The following EML6 variants were observed in gnomAD, a reference collection of about 807,000 sequenced individuals.
EML6 encodes the protein EMAP like 6.
A neutral mutation model predicts 240.1 loss-of-function variants in EML6; 154 were observed. The observed-to-expected ratio is 0.64, with a 90% CI of 0.56 to 0.73. The LOEUF is 0.73. Among genes scored for constraint, EML6 ranks in the 30% least tolerant of loss-of-function variants. EML6 has a pLI of 0.00. For missense variants in EML6, 2,964 were observed against 2,474.6 expected, an observed-to-expected ratio of 1.20 and a Z score of -4.20; for synonymous variants, 1,148 against 899.0, an observed-to-expected ratio of 1.28 and a Z score of -4.95.
chr2:54,962,784 G>A (rs1573225449), intron 36 of EML6, 73 bp downstream of exon 36: 1 of 1,280,106 alleles, frequency 7.8e-7, no homozygotes. Context: ...GCGAGGAGAG[G>A]CCCAGCCAGC....
chr2:54,907,100 G>A (rs1376555987), intron 24 of EML6, among the ~76,000 whole-genome samples: 1 of 152,166 alleles, frequency 6.6e-6, no homozygotes, highest in African/African-American at 2.4e-5. Flanking sequence ...GAAAGCTCCA[G>A]CATGGAATGC....
At chr2:54,921,525 T>C (rs1674252179) in intron 26 of EML6, among the ~76,000 whole-genome samples, 1 of 152,146 alleles carries the variant, frequency 6.6e-6, no homozygotes, top group South Asian at 2.1e-4. Flanking sequence ...GCAGATTCAA[T>C]GTAATCCTTA....
At chr2:54,917,358 G>GTTTTTTT (rs147785699) in intron 26 of EML6, among the ~76,000 whole-genome samples, 457 of 123,702 alleles carry the variant, frequency 3.7e-3, no homozygotes, top group East Asian at 8.2e-3. Flanking sequence ...TTTTTTTTTT[G>GTTTTTTT]TTTTTTTTTT....
intron 31 of EML6, among the ~76,000 whole-genome samples, chr2:54,953,506 C>A (rs1676083547): frequency 6.6e-6 from 1 of 152,132 alleles, no homozygotes; most frequent in Non-Finnish European, 1.5e-5. Flanking sequence ...CCTTTAAAAG[C>A]AAATTTCCTC....
chr2:54,748,221 T>C (rs776574373), intron 2 of EML6: 1 of 152,206 alleles, frequency 6.6e-6, no homozygotes, highest in Non-Finnish European at 1.5e-5. Flanking sequence ...AAAGAAAGAC[T>C]CAATAAAACT....
At chr2:54,931,320 T>C (rs1361630330) in intron 28 of EML6, among the ~76,000 whole-genome samples, 1 of 151,976 alleles carries the variant, frequency 6.6e-6, no homozygotes, top group Non-Finnish European at 1.5e-5. Context: ...ATTTGGGGAA[T>C]TTGAGAGAAA....
intron 7 of EML6, among the ~76,000 whole-genome samples, chr2:54,830,964 G>A (rs1353082314): frequency 6.6e-6 from 1 of 152,202 alleles, no homozygotes; most frequent in Non-Finnish European, 1.5e-5. Context: ...GTAGGGACAA[G>A]GAGATCGAAG....
intron 4 of EML6, among the ~76,000 whole-genome samples, chr2:54,818,105 GA>G (rs1668159711): frequency 6.6e-6 from 1 of 152,128 alleles, no homozygotes; most frequent in Non-Finnish European, 1.5e-5. Context: ...TATATAGTCT[GA>G]CCTGAACTAG....
chr2:54,835,201 C>T (rs1669077468), intron 7 of EML6, among the ~76,000 whole-genome samples: 1 of 152,238 alleles, frequency 6.6e-6, no homozygotes. Context: ...TCCAAATCCC[C>T]TTCTCCCGGG....
chr2:54,910,996 T>C lies in EML6; in HGVS notation c.3452T>C (p.Phe1151Ser), dbSNP rs1307597862. The change falls in exon 25 of 42, where the codon TTT becomes TCT. Residue 1151 changes from phenylalanine to serine, a missense_variant. Coordinates refer to ENST00000356458, the MANE Select transcript of EML6 (RefSeq NM_001039753.4). Reference protein sequence around the residue: ...QVNSGAREQLFFEAPRGKRHI... With the variant: ...QVNSGAREQLSFEAPRGKRHI... The stretch of plus-strand genomic sequence containing the variant: ...AATTCAGGTGCCAGAGAACAACTTT[T>C]TTTTGAAGCTCCAAGAGGCAAACGG... The C allele has an allele frequency of 9.7e-6, 15 of 1,541,482 alleles. No individual in the cohort carries two copies. The highest frequency in any genetic ancestry group is 1.3e-5 in the Non-Finnish European group (15 of 1,139,738).
intron 2 of EML6, among the ~76,000 whole-genome samples, chr2:54,795,909 T>A (rs1669741415): frequency 6.6e-6 from 1 of 152,166 alleles, no homozygotes; most frequent in Non-Finnish European, 1.5e-5. Flanking sequence ...TTCTGTGGAA[T>A]TTGCATGATT....
chr2:54,790,284 C>T (rs773513127), intron 2 of EML6, among the ~76,000 whole-genome samples: 15 of 152,102 alleles, frequency 9.9e-5, no homozygotes, highest in Admixed American at 5.2e-4. Context: ...ACTGTCTTCC[C>T]ACATATGTAT....
At chr2:54,786,415 C>G (rs370657975) in intron 2 of EML6, among the ~76,000 whole-genome samples, 3 of 152,276 alleles carry the variant, frequency 2.0e-5, no homozygotes, top group Admixed American at 2.0e-4. Flanking sequence ...GGGACATTCA[C>G]AGGATCTCTA....
intron 2 of EML6, among the ~76,000 whole-genome samples, chr2:54,732,580 C>G (rs560769334): frequency 5.2e-4 from 79 of 152,228 alleles, no homozygotes; most frequent in African/African-American, 1.6e-3. Context: ...ATCTTAGATG[C>G]CCACAGCCTT....
chr2:54,783,594 T>A (rs1193118581), intron 2 of EML6, among the ~76,000 whole-genome samples: 3 of 152,040 alleles, frequency 2.0e-5, no homozygotes, highest in Non-Finnish European at 4.4e-5. Flanking sequence ...AGGAAAGAAT[T>A]GTCCGTGTAA....
Position 54,895,340 on chromosome 2 carries a change from A to G in EML6, c.2922A>G (p.Gly974=). The change falls in exon 21 of 42, where the codon GGA becomes GGG. Residue 974 remains glycine, a synonymous_variant. Coordinates refer to ENST00000356458, the MANE Select transcript of EML6 (RefSeq NM_001039753.4). The stretch of plus-strand genomic sequence containing the variant: ...TGGGACATGGACATATCCTGGTGGG[A>G]ACAAAAAATGGAGAGATTCTGGAAA... The part of the protein sequence containing the change: ...ITLGHGHILV[G]TKNGEILEID... 1.3e-6 allele frequency: 2 copies of G among 1,551,976 alleles called. No homozygotes were observed. The highest frequency in any genetic ancestry group is 1.7e-6 in the Non-Finnish European group (2 of 1,146,974).
intron 35 of EML6, 72 bp from the exon 36 acceptor site, chr2:54,962,451 A>T: frequency 8.4e-7 from 1 of 1,190,226 alleles, no homozygotes; most frequent in Non-Finnish European, 1.2e-6. Context: ...GAATTTGTCT[A>T]CTCTAGATAC....
intron 5 of EML6, among the ~76,000 whole-genome samples, chr2:54,826,969 T>A (rs1668628769): frequency 6.6e-6 from 1 of 152,146 alleles, no homozygotes; most frequent in Non-Finnish European, 1.5e-5. Flanking sequence ...GGCCAGGAGT[T>A]CGAGACCAGC....
intron 24 of EML6, among the ~76,000 whole-genome samples, chr2:54,904,286 T>C (rs759040344): frequency 6.6e-5 from 10 of 152,128 alleles, no homozygotes; most frequent in Non-Finnish European, 1.0e-4. Flanking sequence ...GGGTGGAACA[T>C]TGCACTATAG....
Sources: allele counts gnomAD v4.1 joint callset (sites outside exome capture counted in the v4.1 genomes callset), GRCh38; gene constraint gnomAD v4.1.1; transcripts MANE v1.5; gene names NCBI Gene and HGNC (gene_info 2026-07-23, HGNC 2026-07-21).